The following SHQ1 variants were observed in gnomAD, a reference collection of about 807,000 sequenced individuals.
SHQ1 encodes protein SHQ1 homolog.
SHQ1 carries 49 observed loss-of-function variants against 53.8 expected under a neutral mutation model. That is an observed-to-expected ratio of 0.91 (90% confidence interval 0.72 to 1.16). The LOEUF (loss-of-function observed/expected upper bound fraction) is 1.16. SHQ1 is among the 50% of genes most tolerant of loss of function. The probability of loss-of-function intolerance (pLI) is 0.00; values close to 1 mark genes in which losing one functional copy is unlikely to be tolerated. For synonymous variants in SHQ1, 243 were observed against 251.0 expected, an observed-to-expected ratio of 0.97 and a Z score of 0.30; for missense variants, 738 against 683.1, an observed-to-expected ratio of 1.08 and a Z score of -0.90.
At chr3:72,774,262 A>G (rs1178250990) in intron 10 of SHQ1, among the ~76,000 whole-genome samples, 5 of 152,220 alleles carry the variant, frequency 3.3e-5, no homozygotes, top group African/African-American at 9.6e-5. Flanking sequence ...ACCTCTTTCA[A>G]TTCAAAACGG....
In SHQ1 at chr3:72,844,431, T is replaced by A. The variant is rs1195270621; in HGVS notation, c.144-8A>T. Reference sequence around the variant, plus strand: ...CTTCCAGGAAGGGTTAATCTGCAGATTTAACACAGGTCTCATGAAGTCCTT... The same window carrying A: ...CTTCCAGGAAGGGTTAATCTGCAGAATTAACACAGGTCTCATGAAGTCCTT... On this transcript the variant is annotated splice_region_variant and splice_polypyrimidine_tract_variant and intron_variant, in intron 1 of 10. Transcript: ENST00000325599. 1 of 1,612,740 alleles carries A rather than the reference T, an allele frequency of 6.2e-7. No homozygotes were observed. The highest frequency in any genetic ancestry group is 2.2e-5 in the East Asian group (1 of 44,804).
chr3:72,815,339 G>A lies in SHQ1; in HGVS notation c.936+11C>T. 1.9e-6 allele frequency: 3 copies of A among 1,609,728 alleles called. No individual in the cohort carries two copies. Among genetic ancestry groups the A allele is most frequent in the Non-Finnish European group, 2.5e-6 (3 of 1,176,734 alleles). On this transcript the variant is annotated intron_variant, in intron 8 of 10. Transcript: ENST00000325599. ...CAACAAATTCTAAACAATTGCAACTGGAAATCATACCTCAAACCAGCATAG... is the reference window on the plus strand; with the variant it reads ...CAACAAATTCTAAACAATTGCAACTAGAAATCATACCTCAAACCAGCATAG...
rs537538450 is a variant in SHQ1, at chr3:72,760,612, A to G, written c.1182-9776T>C. 1.2e-4 allele frequency among the ~76,000 whole-genome samples: 19 copies of G among 152,308 alleles called. No individual in the cohort carries two copies. In the East Asian group the frequency reaches 3.5e-3, roughly 28 times the overall value. On this transcript the variant is annotated intron_variant, in intron 10 of 10. Transcript: ENST00000325599. ...ACAAGATATTAATCCCAAAGTTCCA[A>G]GCTTAAAGGGCTCTTCTCTCTCATC...
chr3:72,829,962 T>C (rs1037851229), intron 5 of SHQ1, among the ~76,000 whole-genome samples: 4 of 152,146 alleles, frequency 2.6e-5, no homozygotes, highest in Non-Finnish European at 5.9e-5. Flanking sequence ...GGAATGACTA[T>C]TAAGAAATGC....
At chr3:72,759,349 TA>T (rs1452282777) in intron 10 of SHQ1, among the ~76,000 whole-genome samples, 2 of 152,102 alleles carry the variant, frequency 1.3e-5, no homozygotes, top group African/African-American at 4.8e-5. Context: ...TAAATCAACT[TA>T]AAATGGAGAC....
At chr3:72,783,110 C>A (rs1051014777) in intron 10 of SHQ1, among the ~76,000 whole-genome samples, 3 of 152,150 alleles carry the variant, frequency 2.0e-5, no homozygotes, top group African/African-American at 4.8e-5. Context: ...AAACCAAGGA[C>A]TTGGGCAGTC....
chr3:72,841,202 G>A lies in SHQ1; in HGVS notation c.332-3C>T. On this transcript the variant is annotated splice_region_variant and splice_polypyrimidine_tract_variant and intron_variant, in intron 3 of 10. Coordinates refer to ENST00000325599, the MANE Select transcript of SHQ1 (RefSeq NM_018130.3). Reference sequence around the variant, plus strand: ...TTCCTCAGGAATCTCAGAAGCACCTGAATGTGTTAAATTTTAATTTTTTTT... The same window carrying A: ...TTCCTCAGGAATCTCAGAAGCACCTAAATGTGTTAAATTTTAATTTTTTTT... 1 of 1,601,424 alleles carries A rather than the reference G, an allele frequency of 6.2e-7. No homozygotes were observed. The highest frequency in any genetic ancestry group is 1.1e-5 in the South Asian group (1 of 87,978).
intron 9 of SHQ1, among the ~76,000 whole-genome samples, chr3:72,799,184 A>C (rs1286936758): frequency 6.6e-6 from 1 of 152,102 alleles, no homozygotes; most frequent in Non-Finnish European, 1.5e-5. Context: ...ATTTTAAAAC[A>C]ATAAGTAAAG....
chr3:72,820,171 T>C (rs1707434332), intron 6 of SHQ1, among the ~76,000 whole-genome samples: 1 of 152,204 alleles, frequency 6.6e-6, no homozygotes, highest in African/African-American at 2.4e-5. Flanking sequence ...TTTTAAGTAA[T>C]CATACCTATC....
chr3:72,845,222 G>C (rs1016272220), intron 1 of SHQ1, among the ~76,000 whole-genome samples: 1 of 152,088 alleles, frequency 6.6e-6, no homozygotes, highest in African/African-American at 2.4e-5. Context: ...GGTGGCTTAC[G>C]CCTGTAATCC....
At chr3:72,725,626 G>A in the SHQ1 span, among the ~76,000 whole-genome samples, 8 of 152,036 alleles carry the variant, frequency 5.3e-5, no homozygotes, top group African/African-American at 1.4e-4. Context: ...AGGTGTACAC[G>A]CACACACTCA....
chr3:72,843,098 T>G (rs1453930151), intron 2 of SHQ1, among the ~76,000 whole-genome samples: 1 of 151,890 alleles, frequency 6.6e-6, no homozygotes, highest in Admixed American at 6.6e-5. Flanking sequence ...AAAAAATTAT[T>G]TATCTGTGAA....
At chr3:72,771,065 T>G (rs1343122398) in intron 10 of SHQ1, among the ~76,000 whole-genome samples, 1 of 152,210 alleles carries the variant, frequency 6.6e-6, no homozygotes, top group Non-Finnish European at 1.5e-5. Flanking sequence ...TCAGACTGAT[T>G]TCAACCTGAA....
At chr3:72,825,029 G>A (rs990339554) in intron 5 of SHQ1, among the ~76,000 whole-genome samples, 1 of 151,618 alleles carries the variant, frequency 6.6e-6, no homozygotes, top group Non-Finnish European at 1.5e-5. Flanking sequence ...TTAAACTCTC[G>A]GCCTCAAGTG....
At chr3:72,764,558 G>T (rs1705681267) in intron 10 of SHQ1, among the ~76,000 whole-genome samples, 1 of 152,202 alleles carries the variant, frequency 6.6e-6, no homozygotes, top group Admixed American at 6.5e-5. Context: ...TATCTAAGGA[G>T]AATTTTAAAA....
intron 10 of SHQ1, among the ~76,000 whole-genome samples, chr3:72,789,069 A>C (rs756545261): frequency 3.0e-4 from 45 of 150,866 alleles, no homozygotes; most frequent in Non-Finnish European, 3.1e-4. Context: ...CTCAAGAATG[A>C]TCAATAAACA....
intron 9 of SHQ1, among the ~76,000 whole-genome samples, chr3:72,803,025 G>A (rs1575705839): frequency 6.6e-6 from 1 of 152,280 alleles, no homozygotes; most frequent in African/African-American, 2.4e-5. Flanking sequence ...GACTGAAGGA[G>A]CAAAGACCTG....
At chr3:72,799,073 C>T (rs1706710922) in intron 9 of SHQ1, among the ~76,000 whole-genome samples, 1 of 151,740 alleles carries the variant, frequency 6.6e-6, no homozygotes, top group African/African-American at 2.4e-5. Flanking sequence ...ATAATCCCAA[C>T]ACTATAGGAG....
intron 9 of SHQ1, among the ~76,000 whole-genome samples, chr3:72,798,777 G>A (rs1045169361): frequency 6.6e-6 from 1 of 152,238 alleles, no homozygotes; most frequent in African/African-American, 2.4e-5. Flanking sequence ...TCTAGGAGAT[G>A]ATCAGGGTAG....
Sources: allele counts gnomAD v4.1 joint callset (sites outside exome capture counted in the v4.1 genomes callset), GRCh38; gene constraint gnomAD v4.1.1; transcripts MANE v1.5; gene names NCBI Gene and HGNC (gene_info 2026-07-23, HGNC 2026-07-21).